Variants in OR6N1 observed in about 807,000 individuals in gnomAD.
OR6N1 encodes the protein olfactory receptor family 6 subfamily N member 1.
For missense variants in OR6N1, 394 were observed against 371.7 expected (o/e 1.06, Z -0.49); for synonymous variants, 170 against 150.7 (o/e 1.13, Z -0.94).
chr1:158,822,820 A>G, the OR6N1 span, among the ~76,000 whole-genome samples: 2 of 152,136 alleles, frequency 1.3e-5, no homozygotes, highest in Non-Finnish European at 2.9e-5. Flanking sequence ...GCCTTTGTCC[A>G]TTTGGTATAA....
the OR6N1 span, among the ~76,000 whole-genome samples, chr1:158,793,115 A>C: frequency 2.0e-5 from 3 of 151,740 alleles, no homozygotes; most frequent in Non-Finnish European, 2.9e-5. Context: ...CATTTCCAGA[A>C]GTTCTCATTG....
At chr1:158,824,407 T>G in the OR6N1 span, among the ~76,000 whole-genome samples, 1 of 152,198 alleles carries the variant, frequency 6.6e-6, no homozygotes, top group Admixed American at 6.5e-5. Context: ...GGTATGTCTT[T>G]ATTAGCAGCA....
chr1:158,803,388 A>C, the OR6N1 span, among the ~76,000 whole-genome samples: 2 of 152,178 alleles, frequency 1.3e-5, no homozygotes, highest in Non-Finnish European at 2.9e-5. Flanking sequence ...AGTTGAAACT[A>C]TCCTTCACTA....
At chr1:158,807,185 GT>G in the OR6N1 span, among the ~76,000 whole-genome samples, 6 of 152,012 alleles carry the variant, frequency 3.9e-5, no homozygotes, top group Admixed American at 3.9e-4. Flanking sequence ...TTTACTGCAA[GT>G]TCAATAATCT....
the OR6N1 span, among the ~76,000 whole-genome samples, chr1:158,785,821 A>G: frequency 6.6e-6 from 1 of 152,194 alleles, no homozygotes; most frequent in Admixed American, 6.5e-5. Flanking sequence ...TTACCTATCT[A>G]TACAGGATAC....
rs2102006258 is a variant in OR6N1 at position 158,766,030 on chromosome 1, T to C, written c.653A>G (p.Tyr218Cys). ...LATFLLILCS[Y>C]VQIICTVLRI... ...GAGCACTGTGCAGATGATCTGCACA[T>C]AGGAGCAGAGGATCAGCAGGAAGGT... The change falls in exon 2 of 2, where the codon TAT becomes TGT. Residue 218 changes from tyrosine (Y) to cysteine (C), a missense_variant. Physicochemically the swap from Tyr to Cys is radical, Grantham distance 194 (BLOSUM62 -2). Coordinates refer to ENST00000641846, the MANE Select transcript of OR6N1 (RefSeq NM_001005185.2). 1 of 1,614,094 alleles carries C rather than the reference T, an allele frequency of 6.2e-7. No homozygotes were observed. Among genetic ancestry groups the C allele is most frequent in the Non-Finnish European group, 8.5e-7 (1 of 1,180,006 alleles).
chr1:158,823,437 G>A, the OR6N1 span, among the ~76,000 whole-genome samples: 1 of 151,980 alleles, frequency 6.6e-6, no homozygotes, highest in Non-Finnish European at 1.5e-5. Context: ...TTAAATTTTG[G>A]GAGGTTGTAT....
the OR6N1 span, among the ~76,000 whole-genome samples, chr1:158,798,932 G>A: frequency 6.6e-6 from 1 of 152,068 alleles, no homozygotes; most frequent in African/African-American, 2.4e-5. Flanking sequence ...TGGCTCCCTG[G>A]GAGAAGAGCA....
At chr1:158,806,328 G>GT in the OR6N1 span, among the ~76,000 whole-genome samples, 1 of 152,166 alleles carries the variant, frequency 6.6e-6, no homozygotes, top group Admixed American at 6.5e-5. Context: ...CATTTGGAGA[G>GT]TTACCAAGTC....
the OR6N1 span, among the ~76,000 whole-genome samples, chr1:158,831,090 C>T: frequency 8.5e-5 from 13 of 152,242 alleles, no homozygotes; most frequent in Middle Eastern, 6.8e-3. Flanking sequence ...AAGCGGCTAC[C>T]GGTTTCTAAT....
the OR6N1 span, among the ~76,000 whole-genome samples, chr1:158,795,378 C>T: frequency 1.3e-5 from 2 of 152,178 alleles, no homozygotes; most frequent in African/African-American, 2.4e-5. Context: ...TTGCTCATAA[C>T]ACAGGGGCAT....
intron 1 of OR6N1, among the ~76,000 whole-genome samples, chr1:158,771,532 G>C (rs1657423468): frequency 6.6e-6 from 1 of 152,060 alleles, no homozygotes; most frequent in African/African-American, 2.4e-5. Context: ...ATCTTACTTA[G>C]GTCCATTGAA....
chr1:158,793,200 G>A, the OR6N1 span, among the ~76,000 whole-genome samples: 8 of 148,494 alleles, frequency 5.4e-5, no homozygotes, highest in Admixed American at 2.0e-4. Flanking sequence ...ATTTTTTCAT[G>A]TTGATTTTCA....
At chr1:158,790,483 C>A in the OR6N1 span, among the ~76,000 whole-genome samples, 1 of 150,514 alleles carries the variant, frequency 6.6e-6, no homozygotes, top group African/African-American at 2.5e-5. Context: ...CGGCTCACTG[C>A]AAGCTCCGCC....
chr1:158,774,337 A>G (rs1657524839), upstream of OR6N1: 1 of 152,226 alleles, frequency 6.6e-6, no homozygotes, highest in African/African-American at 2.4e-5. Context: ...TACCTAGTTC[A>G]TGAACCTGCT....
At chr1:158,807,971 G>A in the OR6N1 span, among the ~76,000 whole-genome samples, 1 of 149,354 alleles carries the variant, frequency 6.7e-6, no homozygotes, top group Non-Finnish European at 1.5e-5. Context: ...ACTACTGATC[G>A]TTTTTATTTC....
chr1:158,766,202 A>T lies in OR6N1; in HGVS notation c.481T>A (p.Ser161Thr). ...GGLAGPVVEI[S>T]LISRLPFCGP... ...CAGAATGGGAGGCGTGAAATCAAGG[A>T]AATTTCAACTACTGGCCCAGCCAAG... Residue 161 changes from serine to threonine, a missense_variant, in exon 2 of 2, where the codon TCC (serine) becomes ACC (threonine). By Grantham distance (58) the Ser-to-Thr change is moderately conservative (BLOSUM62 1). Transcript: ENST00000641846. 1 of 1,614,178 alleles carries T rather than the reference A, an allele frequency of 6.2e-7. No individual in the cohort carries two copies. Among genetic ancestry groups the T allele is most frequent in the Non-Finnish European group, 8.5e-7 (1 of 1,180,030 alleles).
the OR6N1 span, among the ~76,000 whole-genome samples, chr1:158,832,536 G>A: frequency 1.3e-5 from 2 of 151,432 alleles, no homozygotes; most frequent in South Asian, 2.1e-4. Flanking sequence ...TATATGTTAT[G>A]TGTGTGTTTA....
the OR6N1 span, among the ~76,000 whole-genome samples, chr1:158,826,088 G>A: frequency 1.3e-5 from 2 of 151,832 alleles, no homozygotes; most frequent in Non-Finnish European, 2.9e-5. Context: ...GACCCAAAGA[G>A]GGGAACAACA....
Sources: allele counts gnomAD v4.1 joint callset (sites outside exome capture counted in the v4.1 genomes callset), GRCh38; gene constraint gnomAD v4.1.1; transcripts MANE v1.5; gene names NCBI Gene and HGNC (gene_info 2026-07-23, HGNC 2026-07-21).